RYR3: variants seen among roughly 807,000 people sequenced by gnomAD.
RYR3 encodes ryanodine receptor 3, also known as brain ryanodine receptor-calcium release channel.
In RYR3, 207 loss-of-function variants were observed where a neutral mutation model predicts 584.3. The observed-to-expected ratio is 0.35, with a 90% CI of 0.32 to 0.40. RYR3 has a LOEUF of 0.40. Ranked by LOEUF, RYR3 falls within the 10% of genes least tolerant of loss-of-function variation. The pLI, the probability that RYR3 is intolerant of heterozygous loss-of-function variation, is 1.00. For synonymous variants in RYR3, 2,416 were observed against 2,248.5 expected (o/e 1.07, Z -2.11); for missense variants, 5,616 against 6,089.2 (o/e 0.92, Z 2.59).
chr15:33,836,159 CTT>C (rs11334286), intron 87 of RYR3, among the ~76,000 whole-genome samples: 55 of 134,640 alleles, frequency 4.1e-4, no homozygotes, highest in African/African-American at 1.2e-3. Flanking sequence ...TTTTCTTTTG[CTT>C]TTTTTTTATT....
chr15:33,746,903 G>A (rs2070779865), intron 53 of RYR3, among the ~76,000 whole-genome samples: 1 of 149,902 alleles, frequency 6.7e-6, no homozygotes, highest in South Asian at 2.1e-4. Flanking sequence ...CCACCTTCCG[G>A]GCTCAAGTGA....
At position 33,864,164 on chromosome 15, in the gene RYR3, A is replaced by C. The variant is rs1323006627; in HGVS notation, c.14492A>C (p.Lys4831Thr). Residue 4831 changes from lysine (K) to threonine (T), a missense_variant, in exon 103 of 104, where the codon AAA becomes ACA. This residue lies in a region of RYR3 where 918 missense variants were observed against 887.4 expected (regional missense o/e 1.03). Coordinates refer to ENST00000634891, the MANE Select transcript of RYR3 (RefSeq NM_001036.6). ...TTCTTTCTGATGTATTTGATTAATA[A>C]AGATGAAACAGAGCACACGGGTCAG... ...YLFFLMYLIN[K>T]DETEHTGQES... 1 of 1,612,138 alleles carries C rather than the reference A, an allele frequency of 6.2e-7. No homozygotes were observed. Among genetic ancestry groups the C allele is most frequent in the Non-Finnish European group, 8.5e-7 (1 of 1,178,912 alleles).
At chr15:33,779,367 C>T (rs2074238358) in intron 64 of RYR3, among the ~76,000 whole-genome samples, 1 of 152,038 alleles carries the variant, frequency 6.6e-6, no homozygotes, top group African/African-American at 2.4e-5. Flanking sequence ...ATATGGTGGA[C>T]AGTCAACTAT....
chr15:33,738,414 C>T (rs761371466), intron 49 of RYR3, 36 bp from the exon 50 acceptor site: 1 of 1,582,866 alleles, frequency 6.3e-7, no homozygotes, highest in African/African-American at 1.3e-5. Context: ...TTTCTCTATG[C>T]CACCCCGCTG....
At chr15:33,686,841 T>C (rs905410951) in intron 38 of RYR3, among the ~76,000 whole-genome samples, 9 of 152,228 alleles carry the variant, frequency 5.9e-5, no homozygotes, top group African/African-American at 2.2e-4. Flanking sequence ...TCTCAATAGA[T>C]GCAGAAAAGC....
At chr15:33,789,628 A>ATATATATATATATATATATT (rs1215347888) in intron 67 of RYR3, among the ~76,000 whole-genome samples, 3 of 10,480 alleles carry the variant, frequency 2.9e-4, no homozygotes, top group Non-Finnish European at 5.0e-4. Context: ...TTTATTTTAT[A>ATATATATATATATATATATT]TATATATATA....
At chr15:33,764,921 T>C (rs8036820) in intron 60 of RYR3, among the ~76,000 whole-genome samples, 151,819 of 151,928 alleles carry the variant, frequency 1, 75,856 homozygotes, top group Middle Eastern at 1. Flanking sequence ...ATCCCAGCTA[T>C]TCAGGAGGCT....
intron 87 of RYR3, among the ~76,000 whole-genome samples, chr15:33,836,609 C>T (rs777180467): frequency 5.3e-5 from 8 of 152,148 alleles, no homozygotes; most frequent in Non-Finnish European, 1.0e-4. Flanking sequence ...TACCTGAAGG[C>T]TCTTTGGTGC....
chr15:33,475,975 C>T (rs950099300), intron 2 of RYR3, among the ~76,000 whole-genome samples: 11 of 152,044 alleles, frequency 7.2e-5, no homozygotes, highest in African/African-American at 2.4e-4. Flanking sequence ...ATATATAAAG[C>T]ACATAATACT....
intron 1 of RYR3, among the ~76,000 whole-genome samples, chr15:33,469,090 A>G (rs973071959): frequency 6.6e-6 from 1 of 152,226 alleles, no homozygotes; most frequent in African/African-American, 2.4e-5. Flanking sequence ...GAAGGCATGC[A>G]TGTAAGTAAC....
At chr15:33,666,163 A>G (rs2063483485) in intron 36 of RYR3, among the ~76,000 whole-genome samples, 1 of 151,928 alleles carries the variant, frequency 6.6e-6, no homozygotes, top group African/African-American at 2.4e-5. Context: ...CACCACCATG[A>G]CCAACTAATT....
chr15:33,863,805 G>C (rs905332076), intron 102 of RYR3, among the ~76,000 whole-genome samples: 1 of 152,036 alleles, frequency 6.6e-6, no homozygotes, highest in African/African-American at 2.4e-5. Context: ...ATATTCTATG[G>C]TAAGAATTTG....
chr15:33,457,256 C>A (rs929976182), intron 1 of RYR3, among the ~76,000 whole-genome samples: 1 of 152,128 alleles, frequency 6.6e-6, no homozygotes, highest in African/African-American at 2.4e-5. Context: ...GGGAGAGAGA[C>A]CTTGATTCTT....
At chr15:33,586,488 G>T (rs999381746) in intron 16 of RYR3, among the ~76,000 whole-genome samples, 6 of 152,162 alleles carry the variant, frequency 3.9e-5, no homozygotes, top group Admixed American at 2.6e-4. Context: ...TATAGAAAAG[G>T]TATGAAGAAA....
At chr15:33,471,803 G>T (rs2048956956) in intron 1 of RYR3, among the ~76,000 whole-genome samples, 1 of 152,178 alleles carries the variant, frequency 6.6e-6, no homozygotes, top group East Asian at 1.9e-4. Context: ...CTCTTGCATT[G>T]CTGATGACTT....
At position 33,623,915 on chromosome 15, in the gene RYR3, G is replaced by A. The variant is rs1015210285; in HGVS notation, c.2466G>A (p.Glu822=). The change falls in exon 20 of 104, where the codon GAG becomes GAA. Residue 822 remains glutamate (E), a synonymous_variant. Transcript: ENST00000634891. ...ALLPKEKMRL[E]PVKEYKRDAD... ...TTCCAAAAGAGAAGATGAGATTGGA[G>A]CCTGTCAAAGAATATAAACGTGATG... 4 of 1,613,826 alleles carry A rather than the reference G, an allele frequency of 2.5e-6. No individual in the cohort carries two copies. The highest frequency in any genetic ancestry group is 3.4e-6 in the Non-Finnish European group (4 of 1,179,728).
At chr15:33,847,754 C>G (rs920462969) in intron 93 of RYR3, 2 of 152,424 alleles carry the variant, frequency 1.3e-5, no homozygotes, top group African/African-American at 4.8e-5. Flanking sequence ...GACAGAATCT[C>G]AGGAAGAAAA....
chr15:33,591,342 A>G (rs1327448889), intron 16 of RYR3, among the ~76,000 whole-genome samples: 2 of 152,056 alleles, frequency 1.3e-5, no homozygotes, highest in East Asian at 3.8e-4. Flanking sequence ...TTTCACATCT[A>G]TTTCTCTTAC....
chr15:33,766,457 A>T (rs1390133990), intron 60 of RYR3, among the ~76,000 whole-genome samples: 1 of 152,248 alleles, frequency 6.6e-6, no homozygotes, highest in East Asian at 1.9e-4. Flanking sequence ...AAACATTTGC[A>T]GGATGCACCA....
Sources: gnomAD v4.1 joint callset for allele counts (sites outside exome capture counted in the v4.1 genomes callset) on GRCh38, gnomAD v4.1.1 for gene constraint, gnomAD v4.1.1 regional missense constraint, MANE v1.5 for transcripts, NCBI Gene and HGNC (gene_info 2026-07-23, HGNC 2026-07-21) for gene names.